Variants in NRXN1 observed in about 807,000 individuals in gnomAD.
NRXN1 encodes the protein neurexin 1, also known as neurexin-1.
A neutral mutation model predicts 150.9 loss-of-function variants in NRXN1; 39 were observed. The observed-to-expected ratio is 0.26, with a 90% CI of 0.20 to 0.34. The LOEUF (loss-of-function observed/expected upper bound fraction) is 0.34. NRXN1 is among the 10% of genes least tolerant of loss of function. NRXN1 has a pLI of 1.00. For missense variants in NRXN1, 1,815 were observed against 1,949.9 expected (o/e 0.93, Z 1.30); for synonymous variants, 924 against 757.0 (o/e 1.22, Z -3.62).
chr2:50,847,866 G>T (rs1185353071), intron 5 of NRXN1, among the ~76,000 whole-genome samples: 2 of 152,116 alleles, frequency 1.3e-5, no homozygotes, highest in African/African-American at 4.8e-5. Context: ...CTGCAAAGCG[G>T]CCTGACTCCA....
At chr2:50,239,940 G>C (rs991731075) in intron 17 of NRXN1, among the ~76,000 whole-genome samples, 1 of 150,862 alleles carries the variant, frequency 6.6e-6, no homozygotes, top group Non-Finnish European at 1.5e-5. Context: ...AATATATGTA[G>C]ATTAACATTT....
intron 5 of NRXN1, among the ~76,000 whole-genome samples, chr2:50,778,032 T>C (rs749768658): frequency 2.0e-5 from 3 of 152,210 alleles, no homozygotes; most frequent in Non-Finnish European, 2.9e-5. Flanking sequence ...TAACATAACT[T>C]GAGAAGAGGT....
chr2:49,920,257 G>A lies in NRXN1; in HGVS notation c.*1687C>T, dbSNP rs1190368686. ...TAACAGAGAATGATTTTTTAAGTGG[G>A]TAGTAATACAGAATCAAAAATTACT... On this transcript the variant is annotated 3_prime_UTR_variant, in exon 23 of 23. Transcript: ENST00000401669. 12 of 152,166 alleles carry A rather than the reference G, an allele frequency of 7.9e-5. No homozygotes were observed. The East Asian group carries it at 2.1e-3, about 27-fold the overall frequency. 9.4% of individuals were successfully genotyped at this position (152,166 alleles called of 1,614,324 possible). A position where few individuals can be genotyped will look rare whatever the true frequency, so the allele number is the denominator to read the frequency against.
chr2:50,923,051 C>A (rs1162251623), intron 3 of NRXN1, among the ~76,000 whole-genome samples: 5 of 151,758 alleles, frequency 3.3e-5, no homozygotes, highest in African/African-American at 1.2e-4. Flanking sequence ...GCTTGTAATT[C>A]TTCAGTGATG....
intron 18 of NRXN1, among the ~76,000 whole-genome samples, chr2:50,168,784 C>G (rs2059839983): frequency 6.6e-6 from 1 of 152,172 alleles, no homozygotes; most frequent in Non-Finnish European, 1.5e-5. Flanking sequence ...TTGCAAGTGC[C>G]TCTTCAATAG....
At chr2:50,356,852 C>G (rs1054071243) in intron 17 of NRXN1, among the ~76,000 whole-genome samples, 4 of 151,982 alleles carry the variant, frequency 2.6e-5, no homozygotes, top group Non-Finnish European at 5.9e-5. Flanking sequence ...CTGCCTCTTA[C>G]GTTATTTTTA....
intron 5 of NRXN1, among the ~76,000 whole-genome samples, chr2:50,790,156 C>CACACACACAA (rs1230329211): frequency 6.6e-6 from 1 of 151,978 alleles, no homozygotes; most frequent in Non-Finnish European, 1.5e-5. Context: ...CACACACACA[C>CACACACACAA]ACACACAAAC....
At chr2:50,784,229 C>A (rs1288866884) in intron 5 of NRXN1, among the ~76,000 whole-genome samples, 1 of 151,984 alleles carries the variant, frequency 6.6e-6, no homozygotes, top group Non-Finnish European at 1.5e-5. Context: ...ATAAATGAAT[C>A]GAGTCCTTAA....
chr2:50,669,514 C>A (rs1473433360), intron 5 of NRXN1, among the ~76,000 whole-genome samples: 1 of 151,952 alleles, frequency 6.6e-6, no homozygotes, highest in Non-Finnish European at 1.5e-5. Context: ...TAACTATTAA[C>A]TAACCACTGA....
chr2:50,932,247 G>C (rs978724985), intron 2 of NRXN1, among the ~76,000 whole-genome samples: 1 of 152,004 alleles, frequency 6.6e-6, no homozygotes, highest in Non-Finnish European at 1.5e-5. Context: ...AATTGGCTGG[G>C]CATGGTGGCA....
chr2:49,943,028 G>T (rs775437998), intron 22 of NRXN1, among the ~76,000 whole-genome samples: 22 of 151,528 alleles, frequency 1.5e-4, no homozygotes, highest in Non-Finnish European at 2.8e-4. Flanking sequence ...TCTAGGCTAT[G>T]AATTCATTCA....
chr2:50,119,984 G>C (rs1041626350), intron 18 of NRXN1, among the ~76,000 whole-genome samples: 13 of 152,278 alleles, frequency 8.5e-5, no homozygotes, highest in African/African-American at 3.1e-4. Flanking sequence ...GCCTGTGATA[G>C]TTTTAACACG....
chr2:50,747,776 A>C (rs1700176044), intron 5 of NRXN1, among the ~76,000 whole-genome samples: 1 of 152,138 alleles, frequency 6.6e-6, no homozygotes, highest in Admixed American at 6.6e-5. Context: ...TACACATATT[A>C]CTTCGTTTCT....
chr2:50,441,810 T>C (rs2085977934), intron 17 of NRXN1, among the ~76,000 whole-genome samples: 1 of 152,190 alleles, frequency 6.6e-6, no homozygotes, highest in Admixed American at 6.5e-5. Flanking sequence ...TGAAAACTTA[T>C]GTAAAAAATG....
At chr2:49,958,599 A>C (rs764328306) in intron 21 of NRXN1, among the ~76,000 whole-genome samples, 1 of 152,132 alleles carries the variant, frequency 6.6e-6, no homozygotes, top group Non-Finnish European at 1.5e-5. Flanking sequence ...ATTCAACATA[A>C]ATATACCTTT....
At chr2:50,298,478 G>A (rs989879682) in intron 17 of NRXN1, among the ~76,000 whole-genome samples, 1 of 151,978 alleles carries the variant, frequency 6.6e-6, no homozygotes, top group Non-Finnish European at 1.5e-5. Flanking sequence ...ATTCAGGCAA[G>A]TATTTGAGGC....
At chr2:50,751,144 T>C (rs546436310) in intron 5 of NRXN1, among the ~76,000 whole-genome samples, 1 of 152,140 alleles carries the variant, frequency 6.6e-6, no homozygotes, top group Non-Finnish European at 1.5e-5. Flanking sequence ...CCTTAAACTT[T>C]ATCTAGAGAT....
rs112462068 is a variant in NRXN1, at chr2:50,766,259, T to C, written c.833-142644A>G. Among the ~76,000 whole-genome samples the C allele has an allele frequency of 7.7e-3, 1,175 of 152,122 alleles. 21 individuals are homozygous for C. Among genetic ancestry groups the C allele is most frequent in the African/African-American group, 0.025 (1,047 of 41,538 alleles). On this transcript the variant is annotated intron_variant, in intron 5 of 22. Transcript: ENST00000401669. ...GGCTAAGCATTCTCCCCATGATTTA[T>C]GGTCTGAGGTGTCACTTACATGGAT...
chr2:50,937,758 C>A (rs1002696473), intron 2 of NRXN1, among the ~76,000 whole-genome samples: 1 of 151,958 alleles, frequency 6.6e-6, no homozygotes, highest in African/African-American at 2.4e-5. Context: ...AAAGACATGG[C>A]CATGATTAGT....
Sources: gnomAD v4.1 joint callset for allele counts (sites outside exome capture counted in the v4.1 genomes callset) on GRCh38, gnomAD v4.1.1 for gene constraint, MANE v1.5 for transcripts, NCBI Gene and HGNC (gene_info 2026-07-23, HGNC 2026-07-21) for gene names.